The following RIN2 variants were observed in gnomAD, a reference collection of about 807,000 sequenced individuals.
RIN2 encodes RAB5 interacting protein 2.
In RIN2, 36 loss-of-function variants were observed where a neutral mutation model predicts 78.0. The ratio of observed to expected loss-of-function variants is 0.46; its 90% CI spans 0.35 to 0.61. RIN2 has a LOEUF of 0.61. Ranked by LOEUF, RIN2 falls within the 20% of genes least tolerant of loss-of-function variation. The probability of loss-of-function intolerance (pLI) is 0.00; values close to 1 mark genes in which losing one functional copy is unlikely to be tolerated. For missense variants in RIN2, 1,087 were observed against 1,159.7 expected, an observed-to-expected ratio of 0.94 and a Z score of 0.91; for synonymous variants, 466 against 466.8, an observed-to-expected ratio of 1.00 and a Z score of 0.02.
rs1363151713 is a variant in RIN2 at position 19,900,996 on chromosome 20, C to CTCCA, written c.57+11339_57+11342dup. ...AAAGAAATGTACTTCTTGGATTCCACTCCAGACCCAGAGAATCAGAAACTG... is the reference window on the plus strand; with the variant it reads ...AAAGAAATGTACTTCTTGGATTCCACTCCATCCAGACCCAGAGAATCAGAAACTG... On this transcript the variant is annotated intron_variant, in intron 3 of 12. Coordinates refer to ENST00000255006, the MANE Select transcript of RIN2 (RefSeq NM_018993.4). 3.4e-5 allele frequency among the ~76,000 whole-genome samples: 5 copies of CTCCA among 148,330 alleles called. No homozygotes were observed. The East Asian group carries it at 1.0e-3, about 30-fold the overall frequency.
chr20:19,855,798 A>G (rs2123230084), intron 2 of RIN2, among the ~76,000 whole-genome samples: 1 of 152,324 alleles, frequency 6.6e-6, no homozygotes, highest in South Asian at 2.1e-4. Context: ...CATCTTGGCC[A>G]GGCATGGTGG....
At chr20:19,817,512 G>A (rs1021294277) in intron 2 of RIN2, among the ~76,000 whole-genome samples, 1 of 152,044 alleles carries the variant, frequency 6.6e-6, no homozygotes, top group African/African-American at 2.4e-5. Context: ...TAAATTTGGG[G>A]GCGGGGGGCA....
intron 3 of RIN2, among the ~76,000 whole-genome samples, chr20:19,915,004 T>G (rs987072017): frequency 1.3e-5 from 2 of 152,064 alleles, no homozygotes; most frequent in East Asian, 3.9e-4. Context: ...ACCTTCGGGA[T>G]GACAGCAGTG....
At chr20:19,805,168 T>C (rs916811180) in intron 2 of RIN2, among the ~76,000 whole-genome samples, 1 of 152,152 alleles carries the variant, frequency 6.6e-6, no homozygotes, top group African/African-American at 2.4e-5. Context: ...TTAGCTTTGG[T>C]CAAAAATTGG....
At chr20:19,770,971 G>A (rs183372468) in intron 1 of RIN2, among the ~76,000 whole-genome samples, 3 of 151,214 alleles carry the variant, frequency 2.0e-5, no homozygotes, top group Non-Finnish European at 2.9e-5. Context: ...CCCCTTCTTC[G>A]AGTTCAACTA....
chr20:19,862,554 C>T (rs2037376233), intron 2 of RIN2, among the ~76,000 whole-genome samples: 1 of 152,198 alleles, frequency 6.6e-6, no homozygotes, highest in Non-Finnish European at 1.5e-5. Context: ...TATCGTGCCA[C>T]TGCACTCCAG....
intron 2 of RIN2, among the ~76,000 whole-genome samples, chr20:19,860,473 C>T (rs1378864647): frequency 7.3e-6 from 1 of 136,070 alleles, no homozygotes; most frequent in Non-Finnish European, 1.6e-5. Context: ...GCACACACCA[C>T]CACACCCAGC....
At chr20:19,950,900 C>CT (rs2041287138) in intron 4 of RIN2, among the ~76,000 whole-genome samples, 1 of 95,174 alleles carries the variant, frequency 1.1e-5, no homozygotes. Context: ...TTTTTTTTTT[C>CT]TTTTTTTGGG....
intron 5 of RIN2, among the ~76,000 whole-genome samples, chr20:19,960,398 C>T (rs892525163): frequency 6.6e-6 from 1 of 152,062 alleles, no homozygotes; most frequent in African/African-American, 2.4e-5. Context: ...GGCTGGAGAC[C>T]GTAACTCCAG....
At chr20:19,766,387 A>T (rs1204320347) in intron 1 of RIN2, among the ~76,000 whole-genome samples, 1 of 152,050 alleles carries the variant, frequency 6.6e-6, no homozygotes. Context: ...CTTCCATGGG[A>T]CGTTGGGATC....
chr20:19,823,241 C>A (rs2035981564), intron 2 of RIN2, among the ~76,000 whole-genome samples: 1 of 152,172 alleles, frequency 6.6e-6, no homozygotes, highest in Non-Finnish European at 1.5e-5. Context: ...AGCTAACTGG[C>A]AGTGAACGTG....
intron 11 of RIN2, among the ~76,000 whole-genome samples, chr20:19,993,410 C>T (rs2042857934): frequency 6.6e-6 from 1 of 151,836 alleles, no homozygotes; most frequent in Non-Finnish European, 1.5e-5. Context: ...CCAGAATGTG[C>T]CCCCTTAGTC....
chr20:19,910,122 A>G (rs1272639216), intron 3 of RIN2, among the ~76,000 whole-genome samples: 2 of 152,140 alleles, frequency 1.3e-5, no homozygotes, highest in African/African-American at 4.8e-5. Context: ...TTTCCTTGCA[A>G]CCTGGTTTTT....
intron 4 of RIN2, among the ~76,000 whole-genome samples, chr20:19,951,078 G>A (rs1469556883): frequency 6.6e-6 from 1 of 152,014 alleles, no homozygotes; most frequent in Non-Finnish European, 1.5e-5. Context: ...ATATTTTGTA[G>A]AGACTGGGTT....
chr20:19,871,811 T>TA (rs2037699247), intron 2 of RIN2: 1 of 152,218 alleles, frequency 6.6e-6, no homozygotes, highest in South Asian at 2.1e-4. Flanking sequence ...TATTTCCAGT[T>TA]AAAAATGCTG....
intron 2 of RIN2, among the ~76,000 whole-genome samples, chr20:19,838,449 T>C (rs6046355): frequency 2.4e-4 from 36 of 152,336 alleles, no homozygotes; most frequent in African/African-American, 8.4e-4. Flanking sequence ...CAGTCCTTTT[T>C]ATAACTACAT....
In RIN2 at chr20:19,881,783, T is replaced by C. The variant is rs542994075; in HGVS notation, c.-36-7783T>C. On this transcript the variant is annotated intron_variant, in intron 2 of 12. Transcript: ENST00000255006. ...CATTTTCATGTAACCCTGTGGACTT[T>C]GTTTATGTTCTTTACTCCACTAATG... Among the ~76,000 whole-genome samples, 19 of 152,320 alleles carry C rather than the reference T, an allele frequency of 1.2e-4. No individual in the cohort carries two copies. The South Asian group carries it at 1.7e-3, about 13-fold the overall frequency.
In RIN2 at chr20:19,805,008, T is replaced by C. The variant is rs532078316; in HGVS notation, c.-37+5261T>C. ...CAGTAATTTATCCATTTCTGCTAGA[T>C]TTTCTAGTTTATTTAGGTAGGCACT... On this transcript the variant is annotated intron_variant, in intron 2 of 12. Transcript: ENST00000255006. Among the ~76,000 whole-genome samples the C allele has an allele frequency of 1.4e-3, 212 of 152,304 alleles. 2 individuals are homozygous for C. The highest frequency in any genetic ancestry group is 4.8e-3 in the African/African-American group (201 of 41,572).
chr20:19,931,961 T>A (rs1482846035), intron 3 of RIN2, among the ~76,000 whole-genome samples: 1 of 152,202 alleles, frequency 6.6e-6, no homozygotes, highest in Non-Finnish European at 1.5e-5. Flanking sequence ...TAGGTTTGTG[T>A]ATCTTTAACC....
Sources: gnomAD v4.1 joint callset for allele counts (sites outside exome capture counted in the v4.1 genomes callset) on GRCh38, gnomAD v4.1.1 for gene constraint, MANE v1.5 for transcripts, NCBI Gene and HGNC (gene_info 2026-07-23, HGNC 2026-07-21) for gene names.